The following MYO16 variants were observed in gnomAD, a reference collection of about 807,000 sequenced individuals.
MYO16 encodes the protein myosin XVI.
Under a neutral mutation model 205.3 loss-of-function variants are expected in MYO16, and 94 were observed. The ratio of observed to expected loss-of-function variants is 0.46; its 90% CI spans 0.39 to 0.54. The LOEUF is 0.54. Among genes scored for constraint, MYO16 ranks in the 20% least tolerant of loss-of-function variants. The pLI, the probability that MYO16 is intolerant of heterozygous loss-of-function variation, is 0.00. For missense variants in MYO16, 2,315 were observed against 2,387.5 expected (o/e 0.97, Z 0.63); for synonymous variants, 988 against 954.0 (o/e 1.04, Z -0.66).
intron 32 of MYO16, among the ~76,000 whole-genome samples, chr13:109,160,296 G>C (rs151065973): frequency 6.6e-6 from 1 of 152,130 alleles, no homozygotes; most frequent in African/African-American, 2.4e-5. Flanking sequence ...CGAATTTTTT[G>C]TATCAACATT....
At chr13:109,004,541 A>G (rs749964397) in intron 21 of MYO16, among the ~76,000 whole-genome samples, 15 of 152,192 alleles carry the variant, frequency 9.9e-5, no homozygotes, top group Non-Finnish European at 1.9e-4. Flanking sequence ...AATGAAAGTG[A>G]CAAGTAGATG....
intron 3 of MYO16, among the ~76,000 whole-genome samples, chr13:108,718,074 A>G (rs1884018957): frequency 1.3e-5 from 2 of 152,298 alleles, no homozygotes; most frequent in Admixed American, 1.3e-4. Flanking sequence ...CTTGCATGCT[A>G]TAAGAAGCAG....
At chr13:108,553,601 C>G in the MYO16 span, among the ~76,000 whole-genome samples, 4 of 152,136 alleles carry the variant, frequency 2.6e-5, no homozygotes, top group Non-Finnish European at 5.9e-5. Context: ...TTAGTAGAAT[C>G]TTTTATGTGT....
chr13:109,198,290 A>G (rs925895220), intron 34 of MYO16, among the ~76,000 whole-genome samples: 3 of 152,176 alleles, frequency 2.0e-5, no homozygotes, highest in African/African-American at 7.2e-5. Flanking sequence ...TAAATTTTAA[A>G]TTGTTGAAGG....
intron 2 of MYO16, among the ~76,000 whole-genome samples, chr13:108,686,068 C>G (rs1211690844): frequency 6.6e-6 from 1 of 152,198 alleles, no homozygotes; most frequent in African/African-American, 2.4e-5. Context: ...AGCAGCAGAC[C>G]TGGTAGGAAA....
At chr13:108,694,749 T>G (rs1383607561) in intron 2 of MYO16, among the ~76,000 whole-genome samples, 3 of 152,242 alleles carry the variant, frequency 2.0e-5, no homozygotes, top group Admixed American at 6.5e-5. Context: ...TGTTCTTTTG[T>G]GCTTGTGTTG....
At chr13:108,968,574 C>T (rs915489250) in intron 20 of MYO16, among the ~76,000 whole-genome samples, 9 of 151,978 alleles carry the variant, frequency 5.9e-5, no homozygotes, top group East Asian at 5.8e-4. Flanking sequence ...TGCAGTAAGC[C>T]GAGATCGTGC....
intron 2 of MYO16, among the ~76,000 whole-genome samples, chr13:108,700,493 CA>C (rs2139517821): frequency 6.6e-6 from 1 of 152,284 alleles, no homozygotes; most frequent in South Asian, 2.1e-4. Context: ...AGCAGCCTTG[CA>C]ATCTTGGCAG....
At chr13:108,708,774 T>C (rs1883612303) in intron 2 of MYO16, among the ~76,000 whole-genome samples, 1 of 152,176 alleles carries the variant, frequency 6.6e-6, no homozygotes, top group Non-Finnish European at 1.5e-5. Flanking sequence ...TCCAAAGACC[T>C]TACAGATAAA....
chr13:108,950,764 AT>A (rs137927723), intron 16 of MYO16, among the ~76,000 whole-genome samples: 3,345 of 152,282 alleles, frequency 0.022, 127 homozygotes, highest in African/African-American at 0.077. Flanking sequence ...TAGTAGCCTT[AT>A]TCATAAGAGC....
chr13:108,990,472 A>G (rs887682150), intron 20 of MYO16, among the ~76,000 whole-genome samples: 1 of 152,202 alleles, frequency 6.6e-6, no homozygotes, highest in Non-Finnish European at 1.5e-5. Flanking sequence ...AAAGTGTTCA[A>G]TAGTTTAAAA....
In MYO16 at chr13:109,162,753, A is replaced by G. The variant is rs1367295283; in HGVS notation, c.5165-2148A>G. ...TAAATAACTGAATTAAAGAGTGCAA[A>G]AATAAAATAGGTGAAAGCAACATAA... is the stretch of plus-strand genomic sequence containing the variant. On this transcript the variant is annotated intron_variant, in intron 32 of 34. Transcript: ENST00000457511. This position sits in a 1 kb window ranked among gnomAD's most constrained non-coding sequence, Gnocchi z 4.6. Among the ~76,000 whole-genome samples the G allele has an allele frequency of 6.6e-6, 1 of 152,170 alleles. No homozygotes were observed. The highest frequency in any genetic ancestry group is 2.4e-5 in the African/African-American group (1 of 41,428).
At chr13:109,139,812 T>G (rs1480514018) in intron 31 of MYO16, among the ~76,000 whole-genome samples, 1 of 149,284 alleles carries the variant, frequency 6.7e-6, no homozygotes, top group Non-Finnish European at 1.5e-5. Context: ...GTAGTTTAGG[T>G]CGGGGGTTGA....
Position 109,055,720 on chromosome 13 carries a change from T to C in MYO16, c.3335+125T>C. On this transcript the variant is annotated intron_variant, in intron 27 of 34. Transcript: ENST00000457511. This position sits in a 1 kb window ranked among gnomAD's most constrained non-coding sequence, Gnocchi z 5.0. ...GGCACTGCTTTTGTTGTTTACTTTT[T>C]TCTATCTCCAATAAACAAAATATTC... 2 of 794,466 alleles carry C rather than the reference T, an allele frequency of 2.5e-6. No individual in the cohort carries two copies. Among genetic ancestry groups the C allele is most frequent in the Non-Finnish European group, 4.0e-6 (2 of 493,972 alleles). 49.2% of individuals were successfully genotyped at this position (794,466 alleles called of 1,614,324 possible).
At chr13:108,681,190 A>T (rs1882447277) in intron 2 of MYO16, among the ~76,000 whole-genome samples, 2 of 152,190 alleles carry the variant, frequency 1.3e-5, no homozygotes, top group Non-Finnish European at 2.9e-5. Flanking sequence ...GTGTGTGTCA[A>T]TAATATGGCT....
the MYO16 span, among the ~76,000 whole-genome samples, chr13:108,567,098 CTG>C: frequency 6.6e-6 from 1 of 151,950 alleles, no homozygotes; most frequent in African/African-American, 2.4e-5. Context: ...AAACAACAAA[CTG>C]TAGGAATTTG....
At chr13:108,880,351 A>G (rs553918889) in intron 12 of MYO16, among the ~76,000 whole-genome samples, 61 of 152,264 alleles carry the variant, frequency 4.0e-4, no homozygotes, top group African/African-American at 1.4e-3. Flanking sequence ...TGCTGTGCAG[A>G]AGCTCTTTAG....
the MYO16 span, among the ~76,000 whole-genome samples, chr13:108,498,047 G>T: frequency 6.6e-6 from 1 of 152,208 alleles, no homozygotes; most frequent in African/African-American, 2.4e-5. Context: ...ATAACTTGCA[G>T]ATCTTAAATG....
chr13:108,629,852 A>G lies in MYO16; in HGVS notation c.8A>G (p.His3Arg), dbSNP rs1442075596. The G allele has an allele frequency of 1.3e-6, 2 of 1,529,390 alleles. No homozygotes were observed. Among genetic ancestry groups the G allele is most frequent in the South Asian group, 1.2e-5 (1 of 83,744 alleles). The allele number at this position is 1,529,390 out of a possible 1,614,324, so 94.7% of individuals were successfully genotyped here. The change falls in exon 1 of 35, where the codon CAC becomes CGC. Residue 3 changes from histidine to arginine, a missense_variant. Transcript: ENST00000457511. ...CCTGTCTGAGATGGAAAGATGTCTC[A>G]CTATCATTTTATCAAGTGCTGTAAG... MS[H>R]YHFIKCCCFQ...
Sources: gnomAD v4.1 joint callset for allele counts (sites outside exome capture counted in the v4.1 genomes callset) on GRCh38, gnomAD v4.1.1 for gene constraint, Gnocchi (gnomAD v3.1) non-coding constraint, MANE v1.5 for transcripts, NCBI Gene and HGNC (gene_info 2026-07-23, HGNC 2026-07-21) for gene names.